The following DLGAP2 variants were observed in gnomAD, a reference collection of about 807,000 sequenced individuals.
DLGAP2 encodes the protein DLG associated protein 2, also known as disks large-associated protein 2.
DLGAP2 carries 26 observed loss-of-function variants against 100.3 expected under a neutral mutation model. The ratio of observed to expected loss-of-function variants is 0.26; its 90% CI spans 0.19 to 0.36. The LOEUF (loss-of-function observed/expected upper bound fraction) is 0.36, where lower values mean the gene tolerates loss of function less well. Among genes scored for constraint, DLGAP2 ranks in the 10% least tolerant of loss-of-function variants. DLGAP2 has a pLI of 1.00. For missense variants in DLGAP2, 1,858 were observed against 1,453.2 expected, an observed-to-expected ratio of 1.28 and a Z score of -4.53; for synonymous variants, 886 against 630.1, an observed-to-expected ratio of 1.41 and a Z score of -6.08.
At chr8:1,367,624 A>C (rs939978235) in intron 3 of DLGAP2, among the ~76,000 whole-genome samples, 1 of 152,250 alleles carries the variant, frequency 6.6e-6, no homozygotes, top group Non-Finnish European at 1.5e-5. Context: ...CATGTTGCTA[A>C]GAAAAAGCAT....
At chr8:1,203,931 G>A (rs1274401832) in intron 2 of DLGAP2, among the ~76,000 whole-genome samples, 1 of 33,372 alleles carries the variant, frequency 3.0e-5, no homozygotes, top group Admixed American at 2.9e-4. Flanking sequence ...GCCTGCCCCT[G>A]GGTGTGTGCA....
At chr8:1,513,387 G>C (rs1016822026) in intron 4 of DLGAP2, among the ~76,000 whole-genome samples, 3 of 151,984 alleles carry the variant, frequency 2.0e-5, no homozygotes, top group African/African-American at 7.3e-5. Flanking sequence ...CCAGTGCAGA[G>C]GAGGAAGGGA....
At chr8:1,285,000 G>C (rs1020175370) in intron 3 of DLGAP2, among the ~76,000 whole-genome samples, 2 of 152,180 alleles carry the variant, frequency 1.3e-5, no homozygotes, top group Non-Finnish European at 2.9e-5. Context: ...GGCTCCACCT[G>C]CATCCCGATT....
chr8:1,318,112 C>G (rs960913779), intron 3 of DLGAP2, among the ~76,000 whole-genome samples: 4 of 98,428 alleles, frequency 4.1e-5, no homozygotes, highest in African/African-American at 1.5e-4. Context: ...GTCTCTCCAA[C>G]AGTGGTCTAC....
chr8:1,533,316 G>A (rs1801047173), intron 4 of DLGAP2, among the ~76,000 whole-genome samples: 1 of 151,924 alleles, frequency 6.6e-6, no homozygotes, highest in South Asian at 2.1e-4. Flanking sequence ...GGCTAACATG[G>A]TGAAACCCCG....
intron 2 of DLGAP2, among the ~76,000 whole-genome samples, chr8:1,054,196 G>A (rs1202582377): frequency 6.6e-5 from 10 of 151,888 alleles, no homozygotes; most frequent in East Asian, 1.9e-4. Flanking sequence ...GTACACGCAC[G>A]CACACACAGA....
chr8:1,244,148 A>T (rs1798857966), intron 2 of DLGAP2, among the ~76,000 whole-genome samples: 1 of 152,206 alleles, frequency 6.6e-6, no homozygotes, highest in African/African-American at 2.4e-5. Flanking sequence ...GGGCTCCTGT[A>T]CATGCCAGAG....
At chr8:1,600,680 T>C (rs1796596872) in intron 6 of DLGAP2, among the ~76,000 whole-genome samples, 1 of 152,258 alleles carries the variant, frequency 6.6e-6, no homozygotes, top group Admixed American at 6.5e-5. Flanking sequence ...TTGATACTTG[T>C]GTATGCTTCA....
intron 1 of DLGAP2, among the ~76,000 whole-genome samples, chr8:798,934 G>C (rs959646754): frequency 2.0e-5 from 3 of 152,288 alleles, no homozygotes; most frequent in Admixed American, 6.5e-5. Context: ...AACGCTTGTT[G>C]AGAGCCTTCC....
At chr8:1,663,638 C>T (rs1294157348) in intron 8 of DLGAP2, among the ~76,000 whole-genome samples, 3 of 152,036 alleles carry the variant, frequency 2.0e-5, no homozygotes, top group Admixed American at 1.3e-4. Context: ...GCGCCCTGAG[C>T]GTAATGGTTA....
intron 1 of DLGAP2, among the ~76,000 whole-genome samples, chr8:791,699 TA>T (rs889514903): frequency 6.6e-6 from 1 of 152,352 alleles, no homozygotes; most frequent in African/African-American, 2.4e-5. Context: ...AAAATTCCTT[TA>T]AAAAACTTTT....
intron 2 of DLGAP2, among the ~76,000 whole-genome samples, chr8:1,044,087 C>G (rs1026334423): frequency 6.6e-6 from 1 of 152,130 alleles, no homozygotes; most frequent in Non-Finnish European, 1.5e-5. Context: ...ACCGGTCCCA[C>G]TCCTGCTGGA....
intron 3 of DLGAP2, among the ~76,000 whole-genome samples, chr8:1,334,669 C>T (rs548989679): frequency 2.6e-5 from 4 of 152,252 alleles, no homozygotes; most frequent in East Asian, 1.9e-4. Context: ...GCATCCACGT[C>T]GGCATTCTCG....
chr8:1,676,489 C>A, intron 10 of DLGAP2, 44 bp from the exon 11 acceptor site: 2 of 1,574,660 alleles, frequency 1.3e-6, no homozygotes, highest in Non-Finnish European at 1.7e-6. Flanking sequence ...CTTGCCCAGG[C>A]CCCATGTTTC....
chr8:1,420,479 C>A (rs908716460), intron 3 of DLGAP2, among the ~76,000 whole-genome samples: 1 of 152,168 alleles, frequency 6.6e-6, no homozygotes, highest in Non-Finnish European at 1.5e-5. Flanking sequence ...AATTCCAATT[C>A]ATCCTATAGC....
At chr8:1,317,246 C>G (rs1296445808) in intron 3 of DLGAP2, among the ~76,000 whole-genome samples, 54 of 116,310 alleles carry the variant, frequency 4.6e-4, no homozygotes, top group East Asian at 7.8e-4. Flanking sequence ...AAAAATAGAG[C>G]GTGTGCGAGT....
At chr8:1,574,598 T>C (rs1460880141) in intron 6 of DLGAP2, among the ~76,000 whole-genome samples, 5 of 152,314 alleles carry the variant, frequency 3.3e-5, no homozygotes, top group African/African-American at 1.2e-4. Context: ...AGCAAGCACA[T>C]TTATTAAACA....
intron 2 of DLGAP2, among the ~76,000 whole-genome samples, chr8:1,023,235 G>C (rs916725259): frequency 6.6e-6 from 1 of 152,212 alleles, no homozygotes; most frequent in Non-Finnish European, 1.5e-5. Context: ...TGTTCTCAGC[G>C]TGCCTGAGAT....
At chr8:1,314,368 T>C (rs1219666614) in intron 3 of DLGAP2, among the ~76,000 whole-genome samples, 1 of 152,208 alleles carries the variant, frequency 6.6e-6, no homozygotes, top group South Asian at 2.1e-4. Flanking sequence ...CTGTTCACCT[T>C]GGAAGTGCAT....
Sources: gnomAD v4.1 joint callset for allele counts (sites outside exome capture counted in the v4.1 genomes callset) on GRCh38, gnomAD v4.1.1 for gene constraint, MANE v1.5 for transcripts, NCBI Gene and HGNC (gene_info 2026-07-23, HGNC 2026-07-21) for gene names.